The following LIMS1 variants were observed in gnomAD, a reference collection of about 807,000 sequenced individuals.
LIMS1 encodes LIM and senescent cell antigen-like-containing domain protein 1.
A neutral mutation model predicts 44.1 loss-of-function variants in LIMS1; 18 were observed. The ratio of observed to expected loss-of-function variants is 0.41; its 90% CI spans 0.28 to 0.61. The LOEUF is 0.61. LIMS1 is among the 20% of genes least tolerant of loss of function. The probability of loss-of-function intolerance (pLI) is 0.32; values close to 1 mark genes in which losing one functional copy is unlikely to be tolerated. For missense variants in LIMS1, 201 were observed against 422.0 expected, an observed-to-expected ratio of 0.48 and a Z score of 4.59; for synonymous variants, 93 against 149.1, an observed-to-expected ratio of 0.62 and a Z score of 2.74.
intron 1 of LIMS1, among the ~76,000 whole-genome samples, chr2:108,609,925 G>A (rs1315219724): frequency 6.6e-6 from 1 of 152,078 alleles, no homozygotes; most frequent in African/African-American, 2.4e-5. Flanking sequence ...GGCGGATCAC[G>A]AGGTCAGGAG....
intron 1 of LIMS1, among the ~76,000 whole-genome samples, chr2:108,551,106 G>A (rs1407358204): frequency 1.3e-5 from 2 of 152,010 alleles, no homozygotes; most frequent in Non-Finnish European, 2.9e-5. Flanking sequence ...CAGCCTGGGC[G>A]ACAGAGCAAG....
intron 1 of LIMS1, among the ~76,000 whole-genome samples, chr2:108,653,953 A>T (rs1181461038): frequency 7.0e-6 from 1 of 142,602 alleles, no homozygotes; most frequent in Non-Finnish European, 1.5e-5. Context: ...CAGTGAACCT[A>T]CATTTTTACG....
At chr2:108,556,719 A>T (rs150123852) in intron 1 of LIMS1, among the ~76,000 whole-genome samples, 4 of 152,346 alleles carry the variant, frequency 2.6e-5, no homozygotes, top group African/African-American at 9.6e-5. Context: ...AACTGTTCTC[A>T]TGAATGCAGA....
chr2:108,640,875 A>G (rs979346783), intron 1 of LIMS1, among the ~76,000 whole-genome samples: 1 of 152,280 alleles, frequency 6.6e-6, no homozygotes, highest in South Asian at 2.1e-4. Flanking sequence ...TGAGGAACCC[A>G]AGAACTATTC....
chr2:108,643,643 C>T (rs186836797), intron 1 of LIMS1, among the ~76,000 whole-genome samples: 29 of 151,540 alleles, frequency 1.9e-4, no homozygotes, highest in East Asian at 1.2e-3. Context: ...GCCCCAGTGG[C>T]GCCAGGAATG....
At chr2:108,603,652 G>A (rs987412628) in intron 1 of LIMS1, among the ~76,000 whole-genome samples, 9 of 151,860 alleles carry the variant, frequency 5.9e-5, no homozygotes, top group African/African-American at 1.9e-4. Context: ...CAGAGTTTTA[G>A]CTCTTGGTCA....
At chr2:108,588,003 A>G (rs1040853500) in intron 1 of LIMS1, among the ~76,000 whole-genome samples, 2 of 152,202 alleles carry the variant, frequency 1.3e-5, no homozygotes, top group African/African-American at 4.8e-5. Context: ...TCAAACATGT[A>G]GTTATTATAG....
chr2:108,607,020 A>G (rs762338888), intron 1 of LIMS1: 13 of 581,510 alleles, frequency 2.2e-5, no homozygotes, highest in Non-Finnish European at 3.7e-5. Context: ...TCATATGTTG[A>G]ACTTCTAACC....
chr2:108,618,818 C>T (rs1294548836), intron 1 of LIMS1, among the ~76,000 whole-genome samples: 4 of 126,300 alleles, frequency 3.2e-5, no homozygotes, highest in Non-Finnish European at 6.7e-5. Flanking sequence ...AGCAAGACTC[C>T]GTCTCAAAAA....
intron 1 of LIMS1, among the ~76,000 whole-genome samples, chr2:108,557,674 G>A (rs935570294): frequency 2.6e-5 from 4 of 151,892 alleles, no homozygotes; most frequent in African/African-American, 2.4e-5. Flanking sequence ...GTGCCACCAC[G>A]CCCAGCTAAT....
chr2:108,601,364 C>T (rs972972966), intron 1 of LIMS1, among the ~76,000 whole-genome samples: 2 of 152,158 alleles, frequency 1.3e-5, no homozygotes, highest in African/African-American at 4.8e-5. Context: ...GGGAAGGTCT[C>T]ATGAAGTTTC....
At chr2:108,611,852 TATACACAC>T (rs1558808691) in intron 1 of LIMS1, among the ~76,000 whole-genome samples, 1 of 141,330 alleles carries the variant, frequency 7.1e-6, no homozygotes, top group Non-Finnish European at 1.5e-5. Flanking sequence ...TATATATATA[TATACACAC>T]ATATATATAC....
intron 1 of LIMS1, among the ~76,000 whole-genome samples, chr2:108,649,832 G>T (rs1690338477): frequency 6.6e-6 from 1 of 152,166 alleles, no homozygotes; most frequent in South Asian, 2.1e-4. Context: ...GTGGGGGATA[G>T]GGGAGGGATA....
At chr2:108,546,173 T>C (rs1342321071) in intron 1 of LIMS1, among the ~76,000 whole-genome samples, 5 of 152,152 alleles carry the variant, frequency 3.3e-5, no homozygotes, top group Admixed American at 3.3e-4. Flanking sequence ...TCCTTCACTT[T>C]TGGATGCTTT....
intron 1 of LIMS1, among the ~76,000 whole-genome samples, chr2:108,611,025 GC>G: frequency 6.6e-6 from 1 of 152,164 alleles, no homozygotes; most frequent in Admixed American, 6.5e-5. Context: ...ATTGTGTTTA[GC>G]CGTGGTTGAA....
intron 1 of LIMS1, among the ~76,000 whole-genome samples, chr2:108,540,191 TC>T (rs1684271088): frequency 2.2e-5 from 3 of 139,186 alleles, no homozygotes; most frequent in Non-Finnish European, 4.7e-5. Flanking sequence ...AAGTACAGAT[TC>T]CTTTTTTTTT....
exon 3 of LIMS1, chr2:108,670,821 T>C (rs746435642): frequency 1.2e-5 from 20 of 1,610,964 alleles, no homozygotes; most frequent in Admixed American, 1.7e-5. Flanking sequence ...TTTCAGATGC[T>C]CTTTGCCCCT....
intron 1 of LIMS1, among the ~76,000 whole-genome samples, chr2:108,609,431 C>A (rs909604001): frequency 2.6e-5 from 4 of 152,168 alleles, no homozygotes; most frequent in African/African-American, 7.2e-5. Flanking sequence ...GCCTGGCTCT[C>A]ACTCTTCAAA....
chr2:108,601,084 G>A (rs1187756894), intron 1 of LIMS1, among the ~76,000 whole-genome samples: 1 of 151,970 alleles, frequency 6.6e-6, no homozygotes, highest in African/African-American at 2.4e-5. Context: ...ACAGGCACCC[G>A]CCACCATGCT....
Sources: allele counts gnomAD v4.1 joint callset (sites outside exome capture counted in the v4.1 genomes callset), GRCh38; gene constraint gnomAD v4.1.1; transcripts MANE v1.5; gene names NCBI Gene and HGNC (gene_info 2026-07-23, HGNC 2026-07-21).